The following MGAT4C variants were observed in gnomAD, a reference collection of about 807,000 sequenced individuals.
MGAT4C encodes the protein alpha-1,3-mannosyl-glycoprotein 4-beta-N-acetylglucosaminyltransferase C.
Under a neutral mutation model 40.1 loss-of-function variants are expected in MGAT4C, and 19 were observed. The ratio of observed to expected loss-of-function variants is 0.47; its 90% confidence interval spans 0.33 to 0.70. The LOEUF is 0.70. MGAT4C is among the 30% of genes least tolerant of loss of function. MGAT4C has a pLI of 0.02. For missense variants in MGAT4C, 491 were observed against 563.2 expected (o/e 0.87, Z 1.30); for synonymous variants, 181 against 187.1 (o/e 0.97, Z 0.27).
chr12:86,833,837 G>A (rs1381373514), intron 1 of MGAT4C, among the ~76,000 whole-genome samples: 1 of 151,732 alleles, frequency 6.6e-6, no homozygotes, highest in Admixed American at 6.6e-5. Flanking sequence ...CACCTGACAA[G>A]GGAACCAGTA....
intron 1 of MGAT4C, among the ~76,000 whole-genome samples, chr12:86,734,178 C>T (rs922543736): frequency 4.0e-5 from 6 of 151,892 alleles, no homozygotes; most frequent in Non-Finnish European, 8.8e-5. Context: ...TTGTTAAAAG[C>T]TAGTTATGAA....
At chr12:86,806,793 G>C (rs1453914491) in intron 1 of MGAT4C, among the ~76,000 whole-genome samples, 4 of 151,964 alleles carry the variant, frequency 2.6e-5, no homozygotes, top group Non-Finnish European at 5.9e-5. Flanking sequence ...ACTCATAGGT[G>C]GGAATTGAAC....
chr12:86,456,295 T>A (rs1388327529), intron 2 of MGAT4C, among the ~76,000 whole-genome samples: 2 of 151,898 alleles, frequency 1.3e-5, no homozygotes, highest in Non-Finnish European at 1.5e-5. Context: ...ATAAAAAAAA[T>A]TTGGGCAGCG....
At chr12:86,162,862 T>C (rs1048195141) in intron 1 of MGAT4C, among the ~76,000 whole-genome samples, 4 of 152,182 alleles carry the variant, frequency 2.6e-5, no homozygotes, top group African/African-American at 9.6e-5. Context: ...CTATCACCAA[T>C]ACTTTGTGGG....
intron 1 of MGAT4C, among the ~76,000 whole-genome samples, chr12:86,255,201 C>T (rs1383162939): frequency 6.6e-6 from 1 of 152,046 alleles, no homozygotes; most frequent in African/African-American, 2.4e-5. Flanking sequence ...AACAAAATAA[C>T]AATTAATTAC....
chr12:86,809,032 A>G (rs966671216), intron 1 of MGAT4C, among the ~76,000 whole-genome samples: 34 of 152,074 alleles, frequency 2.2e-4, no homozygotes, highest in African/African-American at 8.0e-4. Flanking sequence ...GCCATTCACA[A>G]TTGCTACAAA....
chr12:86,069,420 A>G (rs1319049116), intron 1 of MGAT4C, among the ~76,000 whole-genome samples: 1 of 152,156 alleles, frequency 6.6e-6, no homozygotes, highest in Non-Finnish European at 1.5e-5. Context: ...GTAAATTAAA[A>G]TATATGTGTG....
chr12:86,202,870 C>G (rs926327927), intron 1 of MGAT4C, among the ~76,000 whole-genome samples: 7 of 151,774 alleles, frequency 4.6e-5, no homozygotes, highest in African/African-American at 1.7e-4. Flanking sequence ...CAAAATTATT[C>G]TTTCATATGT....
At chr12:86,196,306 T>G (rs896206816) in intron 1 of MGAT4C, among the ~76,000 whole-genome samples, 3 of 152,220 alleles carry the variant, frequency 2.0e-5, no homozygotes, top group Admixed American at 6.5e-5. Flanking sequence ...GGCTCACGCA[T>G]AATCCTCTTT....
At chr12:86,225,808 C>T (rs1029455615) in intron 1 of MGAT4C, among the ~76,000 whole-genome samples, 10 of 151,858 alleles carry the variant, frequency 6.6e-5, no homozygotes, top group African/African-American at 2.4e-4. Flanking sequence ...ATAATAAAGG[C>T]CAAATATGAC....
chr12:86,240,960 T>C (rs1307068344), intron 1 of MGAT4C, among the ~76,000 whole-genome samples: 2 of 152,124 alleles, frequency 1.3e-5, no homozygotes, highest in Non-Finnish European at 2.9e-5. Context: ...TTCTTTGTCT[T>C]TAATGTCATG....
In MGAT4C at chr12:86,376,097, A is replaced by C. The variant is rs1462128641; in HGVS notation, c.-119-41970T>G. On this transcript the variant is annotated intron_variant, in intron 3 of 7. Transcript: ENST00000548651. ...AATTTGCAAATGGATAGTTAAATTG[A>C]AAAAATGAGGCTGTAGGGTGGCTCA... Among the ~76,000 whole-genome samples the C allele has an allele frequency of 2.0e-5, 3 of 151,992 alleles. No individual in the cohort carries two copies. The East Asian group carries it at 5.8e-4, about 29-fold the overall frequency.
Position 86,041,096 on chromosome 12 carries a change from G to A in MGAT4C, c.-7+8578C>T, listed in dbSNP as rs567830469. ...CCCACCTTCTGCATTAATCTGGCTG[G>A]TTGCTGCAGACCGGAGCTTTTCTTA... On this transcript the variant is annotated intron_variant, in intron 2 of 4. Coordinates refer to ENST00000611864, the MANE Select transcript of MGAT4C (RefSeq NM_001351288.2). Among the ~76,000 whole-genome samples, 11 of 151,940 alleles carry A rather than the reference G, an allele frequency of 7.2e-5. No individual in the cohort carries two copies. In the South Asian group the frequency reaches 2.3e-3, roughly 32 times the overall value.
At chr12:86,774,281 C>CTCTTTCTTTCTTTCTTCCTTTCTT (rs1951693226) in intron 1 of MGAT4C, among the ~76,000 whole-genome samples, 16 of 58,960 alleles carry the variant, frequency 2.7e-4, no homozygotes, top group African/African-American at 9.0e-4. Context: ...CTAAGGCTTG[C>CTCTTTCTTTCTTTCTTCCTTTCTT]TCTTTCTTTC....
intron 2 of MGAT4C, among the ~76,000 whole-genome samples, chr12:86,505,226 A>T (rs2136340084): frequency 6.6e-6 from 1 of 152,268 alleles, no homozygotes; most frequent in African/African-American, 2.4e-5. Flanking sequence ...AATCCTGGCT[A>T]GATATTTGCT....
At chr12:86,705,216 C>CTCTATCTA (rs36154098) in intron 2 of MGAT4C, among the ~76,000 whole-genome samples, 3,952 of 147,674 alleles carry the variant, frequency 0.027, 98 homozygotes, top group Middle Eastern at 0.027. Context: ...TGTCTATTAT[C>CTCTATCTA]TCTATCTATC....
At position 85,963,463 on chromosome 12, in the gene MGAT4C, G is replaced by A. The variant is rs1308819549; in HGVS notation, c.*15826C>T. Reference sequence around the variant, plus strand: ...ACACACATACACACAGACACACACAGAGTTTGCTTATAAGCTCAGGAAGCT... The same window carrying A: ...ACACACATACACACAGACACACACAAAGTTTGCTTATAAGCTCAGGAAGCT... On this transcript the variant is annotated 3_prime_UTR_variant, in exon 5 of 5. Coordinates refer to ENST00000611864, the MANE Select transcript of MGAT4C (RefSeq NM_001351288.2). 6.6e-6 allele frequency: 1 copy of A among 151,826 alleles called. No homozygotes were observed. The highest frequency in any genetic ancestry group is 1.5e-5 in the Non-Finnish European group (1 of 67,828). 9.4% of individuals were successfully genotyped at this position (151,826 alleles called of 1,614,324 possible). A position where few individuals can be genotyped will look rare whatever the true frequency, so the allele number is the denominator to read the frequency against.
At chr12:86,837,423 A>G (rs1195563465) in intron 1 of MGAT4C, among the ~76,000 whole-genome samples, 1 of 152,072 alleles carries the variant, frequency 6.6e-6, no homozygotes, top group African/African-American at 2.4e-5. Context: ...TAGTCTTTCA[A>G]ATGCTCCAAA....
rs1883643648 is a variant in MGAT4C at position 85,972,050 on chromosome 12, C to T, written c.*7239G>A. 6.6e-6 allele frequency: 1 copy of T among 151,084 alleles called. No individual in the cohort carries two copies. The highest frequency in any genetic ancestry group is 2.4e-5 in the African/African-American group (1 of 41,322). 9.4% of individuals were successfully genotyped at this position (151,084 alleles called of 1,614,324 possible). On this transcript the variant is annotated 3_prime_UTR_variant, in exon 5 of 5. Transcript: ENST00000611864. ...TTTATGGATTTAATGAAAATATCCC[C>T]AACCATTACATTACAGACAATTCAT...
Sources: gnomAD v4.1 joint callset for allele counts (sites outside exome capture counted in the v4.1 genomes callset) on GRCh38, gnomAD v4.1.1 for gene constraint, MANE v1.5 for transcripts, NCBI Gene and HGNC (gene_info 2026-07-23, HGNC 2026-07-21) for gene names.